Variants in USH2A observed in about 807,000 individuals in gnomAD.
The protein encoded by USH2A is Usher syndrome 2A (autosomal recessive, mild).
A neutral mutation model predicts 538.9 loss-of-function variants in USH2A; 443 were observed. The observed-to-expected ratio is 0.82, with a 90% confidence interval of 0.76 to 0.89. The LOEUF is 0.89. Among genes scored for constraint, USH2A ranks in the 40% least tolerant of loss-of-function variants. The probability of loss-of-function intolerance (pLI) is 0.00; values close to 1 mark genes in which losing one functional copy is unlikely to be tolerated. For missense variants in USH2A, 6,633 were observed against 6,324.8 expected (o/e 1.05, Z -1.65); for synonymous variants, 2,413 against 2,273.5 (o/e 1.06, Z -1.75).
chr1:215,846,653 A>G (rs1231338637), intron 44 of USH2A, among the ~76,000 whole-genome samples: 2 of 152,186 alleles, frequency 1.3e-5, no homozygotes, highest in Non-Finnish European at 2.9e-5. Context: ...TAATTATTCA[A>G]TGAATCATCA....
intron 64 of USH2A, among the ~76,000 whole-genome samples, chr1:215,667,007 A>C (rs1657624688): frequency 6.6e-6 from 1 of 151,978 alleles, no homozygotes. Context: ...AGGAGAATTG[A>C]CTGAACCGGG....
At chr1:216,147,869 G>C (rs1029590278) in intron 21 of USH2A, among the ~76,000 whole-genome samples, 10 of 150,808 alleles carry the variant, frequency 6.6e-5, no homozygotes, top group African/African-American at 2.4e-4. Context: ...CGCAGCCCGG[G>C]ATTCCTCCTA....
At chr1:216,008,503 TG>T (rs1668461886) in intron 32 of USH2A, among the ~76,000 whole-genome samples, 1 of 152,182 alleles carries the variant, frequency 6.6e-6, no homozygotes, top group Admixed American at 6.5e-5. Context: ...TAAACAGCCA[TG>T]TTGCTCACAC....
chr1:215,844,204 C>T (rs1663774776), intron 46 of USH2A, 90 bp downstream of exon 46: 1 of 1,347,584 alleles, frequency 7.4e-7, no homozygotes, highest in East Asian at 2.4e-5. Flanking sequence ...AATCTGTAAC[C>T]AAGACAGAAG....
In USH2A at chr1:215,807,627, TTCCC is replaced by T. The variant is rs1463628412; in HGVS notation, c.9739+6105_9739+6108del. Among the ~76,000 whole-genome samples the T allele has an allele frequency of 5.3e-3, 801 of 152,234 alleles. 6 individuals are homozygous for T. Among genetic ancestry groups the T allele is most frequent in the African/African-American group, 0.018 (740 of 41,560 alleles). On this transcript the variant is annotated intron_variant, in intron 49 of 71. Coordinates refer to ENST00000307340, the MANE Select transcript of USH2A (RefSeq NM_206933.4). The stretch of plus-strand genomic sequence containing the variant: ...CAAAGTTTGGAAGCTCTTCATGACT[TTCCC>T]TGGCTAGTTGCTAAAAGTCAACTTA...
intron 4 of USH2A, among the ~76,000 whole-genome samples, chr1:216,352,778 C>A (rs2038311199): frequency 6.6e-6 from 1 of 151,966 alleles, no homozygotes; most frequent in African/African-American, 2.4e-5. Context: ...GGTGGTATGC[C>A]AGTGGTGGAT....
chr1:215,822,194 T>C (rs1212976478), intron 47 of USH2A, among the ~76,000 whole-genome samples: 2 of 152,034 alleles, frequency 1.3e-5, no homozygotes, highest in Non-Finnish European at 2.9e-5. Context: ...TTACATTGAA[T>C]CTGTAAATTA....
At chr1:215,948,941 G>C (rs1666842486) in intron 37 of USH2A, among the ~76,000 whole-genome samples, 1 of 151,994 alleles carries the variant, frequency 6.6e-6, no homozygotes, top group Non-Finnish European at 1.5e-5. Context: ...TTGAATTACA[G>C]CTCTTTCTGT....
chr1:216,299,601 C>A (rs564309336), intron 9 of USH2A, among the ~76,000 whole-genome samples: 54 of 152,042 alleles, frequency 3.6e-4, no homozygotes, highest in African/African-American at 1.3e-3. Flanking sequence ...AAATTGAGAG[C>A]AAATAAAATG....
intron 44 of USH2A, among the ~76,000 whole-genome samples, chr1:215,860,825 C>T (rs898735260): frequency 3.9e-5 from 6 of 152,130 alleles, no homozygotes; most frequent in Non-Finnish European, 7.4e-5. Flanking sequence ...TTAGCAGGCT[C>T]ATTTTGGGAG....
At chr1:215,806,110 A>C (rs1050276473) in intron 49 of USH2A, among the ~76,000 whole-genome samples, 1 of 151,596 alleles carries the variant, frequency 6.6e-6, no homozygotes, top group Non-Finnish European at 1.5e-5. Flanking sequence ...GTAAAAATAG[A>C]AGATTGATAC....
At chr1:216,341,960 C>G (rs1396388272) in intron 4 of USH2A, among the ~76,000 whole-genome samples, 1 of 152,018 alleles carries the variant, frequency 6.6e-6, no homozygotes, top group Non-Finnish European at 1.5e-5. Context: ...TCAAAAATGC[C>G]AAAAGCAATT....
At chr1:216,209,006 G>A (rs991238283) in intron 15 of USH2A, among the ~76,000 whole-genome samples, 5 of 152,140 alleles carry the variant, frequency 3.3e-5, no homozygotes, top group Non-Finnish European at 4.4e-5. Context: ...AGCATAAACC[G>A]TACTTTGTAC....
intron 44 of USH2A, among the ~76,000 whole-genome samples, chr1:215,865,773 G>T (rs1287416362): frequency 1.3e-5 from 2 of 152,144 alleles, no homozygotes; most frequent in Admixed American, 6.5e-5. Flanking sequence ...GTTTTCTTTT[G>T]TAAAGATGGA....
chr1:216,062,170 G>T (rs4460609), intron 30 of USH2A, among the ~76,000 whole-genome samples: 2 of 151,938 alleles, frequency 1.3e-5, no homozygotes, highest in East Asian at 1.9e-4. Flanking sequence ...ATTCTGGGGA[G>T]GATTTAATTC....
rs531676607 is a variant in USH2A, at chr1:216,069,440, A to C, written c.6049+661T>G. 2.0e-5 allele frequency among the ~76,000 whole-genome samples: 3 copies of C among 152,254 alleles called. No homozygotes were observed. The South Asian group carries it at 6.2e-4, about 32-fold the overall frequency. ...AGAGGAAAATGTTTTTTTTCTGTCA[A>C]ATTTGACACATTTACTTCCCTTTTA... is the stretch of plus-strand genomic sequence containing the variant. On this transcript the variant is annotated intron_variant, in intron 30 of 71. Transcript: ENST00000307340.
Position 216,157,609 on chromosome 1 carries a change from T to G in USH2A, c.4627+17643A>C, listed in dbSNP as rs563935329. Among the ~76,000 whole-genome samples, 21 of 152,292 alleles carry G rather than the reference T, an allele frequency of 1.4e-4. No individual in the cohort carries two copies. In the South Asian group the frequency reaches 4.1e-3, roughly 30 times the overall value. ...GACTGGATAAAGAAAATGTGGTACATATACACCATGGAATACTACCCAATC... is the reference window on the plus strand; with the variant it reads ...GACTGGATAAAGAAAATGTGGTACAGATACACCATGGAATACTACCCAATC... On this transcript the variant is annotated intron_variant, in intron 21 of 71. Transcript: ENST00000307340.
At chr1:216,075,903 G>GA (rs142705447) in intron 27 of USH2A, among the ~76,000 whole-genome samples, 3,841 of 144,550 alleles carry the variant, frequency 0.027, 158 homozygotes, top group African/African-American at 0.088. Flanking sequence ...AGCTTCTGAT[G>GA]AAAAAAAAAA....
intron 32 of USH2A, among the ~76,000 whole-genome samples, chr1:216,025,453 T>C (rs552504659): frequency 6.6e-6 from 1 of 151,796 alleles, no homozygotes; most frequent in Non-Finnish European, 1.5e-5. Context: ...AATGTTTGGT[T>C]AGTGTTAGTA....
Sources: allele counts gnomAD v4.1 joint callset (sites outside exome capture counted in the v4.1 genomes callset), GRCh38; gene constraint gnomAD v4.1.1; transcripts MANE v1.5; gene names NCBI Gene and HGNC (gene_info 2026-07-23, HGNC 2026-07-21).